Variants in CROT observed in about 807,000 individuals in gnomAD.
The protein encoded by CROT is peroxisomal carnitine O-octanoyltransferase.
CROT carries 84 observed loss-of-function variants against 89.2 expected under a neutral mutation model. The ratio of observed to expected loss-of-function variants is 0.94; its 90% CI spans 0.79 to 1.13. CROT has a LOEUF of 1.13. Among genes scored for constraint, CROT ranks in the 50% most tolerant of loss-of-function variants. CROT has a pLI of 0.00. For missense variants in CROT, 711 were observed against 727.8 expected, an observed-to-expected ratio of 0.98 and a Z score of 0.27; for synonymous variants, 212 against 239.5, an observed-to-expected ratio of 0.89 and a Z score of 1.06.
At chr7:87,357,164 G>A (rs1484188537) in intron 3 of CROT, among the ~76,000 whole-genome samples, 1 of 152,174 alleles carries the variant, frequency 6.6e-6, no homozygotes, top group African/African-American at 2.4e-5. Flanking sequence ...GGCCATAGGG[G>A]CCACTGTAAA....
chr7:87,376,871 C>T (rs552141899), intron 9 of CROT, among the ~76,000 whole-genome samples: 7 of 152,058 alleles, frequency 4.6e-5, no homozygotes, highest in South Asian at 4.2e-4. Flanking sequence ...TTTTATTCTC[C>T]TTTTTTGTAA....
chr7:87,353,920 T>C (rs915058521), intron 3 of CROT, among the ~76,000 whole-genome samples: 1 of 152,220 alleles, frequency 6.6e-6, no homozygotes, highest in African/African-American at 2.4e-5. Context: ...ATCCAAACTA[T>C]ATTATGGTGA....
At chr7:87,380,782 A>AACTGAT (rs556839503) in intron 10 of CROT, among the ~76,000 whole-genome samples, 54 of 152,230 alleles carry the variant, frequency 3.5e-4, no homozygotes, top group Admixed American at 2.0e-4. Flanking sequence ...AATAGTTGGA[A>AACTGAT]ACTGATGCTG....
chr7:87,373,763 T>C, intron 7 of CROT, among the ~76,000 whole-genome samples: 1 of 151,962 alleles, frequency 6.6e-6, no homozygotes, highest in African/African-American at 2.4e-5. Flanking sequence ...GGGAGAAACT[T>C]ATAAGAGGAG....
At chr7:87,384,169 A>G in intron 13 of CROT, among the ~76,000 whole-genome samples, 1 of 152,056 alleles carries the variant, frequency 6.6e-6, no homozygotes, top group Admixed American at 6.6e-5. Context: ...TTTCCCGATG[A>G]TTAGTGATGT....
At chr7:87,393,566 C>T (rs1022923679) in intron 17 of CROT, among the ~76,000 whole-genome samples, 7 of 152,016 alleles carry the variant, frequency 4.6e-5, no homozygotes, top group African/African-American at 1.7e-4. Flanking sequence ...AAGATCAAAA[C>T]CTGGTATAAA....
chr7:87,397,133 C>T (rs31648), intron 17 of CROT, among the ~76,000 whole-genome samples: 3,169 of 152,198 alleles, frequency 0.021, 116 homozygotes, highest in African/African-American at 0.071. Flanking sequence ...CACTAGATCA[C>T]TTGAGGCCAG....
In CROT at chr7:87,399,591, T is replaced by C. The variant is rs1390488604; in HGVS notation, c.*947T>C. 3 of 152,230 alleles carry C rather than the reference T, an allele frequency of 2.0e-5. No individual in the cohort carries two copies. Among genetic ancestry groups the C allele is most frequent in the Non-Finnish European group, 2.9e-5 (2 of 68,030 alleles). The allele number at this position is 152,230 out of a possible 1,614,324, so 9.4% of individuals were successfully genotyped here. A position where few individuals can be genotyped will look rare whatever the true frequency, so the allele number is the denominator to read the frequency against. On this transcript the variant is annotated 3_prime_UTR_variant, in exon 18 of 18. Transcript: ENST00000331536. ...AACCGTAACAAAATTCATTGTGGTGTATTATAATTAGTTTTGTGAATAGAA... is the reference window on the plus strand; with the variant it reads ...AACCGTAACAAAATTCATTGTGGTGCATTATAATTAGTTTTGTGAATAGAA...
intron 13 of CROT, among the ~76,000 whole-genome samples, chr7:87,389,480 G>T (rs61317850): frequency 0.043 from 6,496 of 152,240 alleles, 445 homozygotes; most frequent in African/African-American, 0.15. Context: ...GCAGGGACAT[G>T]GATGAAGCTG....
intron 6 of CROT, among the ~76,000 whole-genome samples, chr7:87,365,915 T>C (rs945823751): frequency 6.6e-6 from 1 of 152,110 alleles, no homozygotes; most frequent in African/African-American, 2.4e-5. Context: ...TGTTGTTTAT[T>C]TATTTGTTTT....
At chr7:87,357,732 A>T (rs544576040) in intron 3 of CROT, 12 of 597,946 alleles carry the variant, frequency 2.0e-5, no homozygotes, top group South Asian at 2.0e-4. Flanking sequence ...CTATGTAAAG[A>T]CTAAACTAAG....
Position 87,399,396 on chromosome 7 carries a change from A to C in CROT, c.*752A>C, listed in dbSNP as rs1462204966. The C allele has an allele frequency of 2.0e-5, 3 of 152,274 alleles. No homozygotes were observed. Among genetic ancestry groups the C allele is most frequent in the Admixed American group, 2.0e-4 (3 of 15,266 alleles). The allele number at this position is 152,274 out of a possible 1,614,324, so 9.4% of individuals were successfully genotyped here. On this transcript the variant is annotated 3_prime_UTR_variant, in exon 18 of 18. Transcript: ENST00000331536. ...AAGGCTGAGACAGGAGGATCGGTTG[A>C]GCCCAGGAGGTTGTGGCTGCAGTGA... is the stretch of plus-strand genomic sequence containing the variant.
At chr7:87,358,537 GTTGA>G (rs1806173869) in intron 3 of CROT, among the ~76,000 whole-genome samples, 1 of 149,814 alleles carries the variant, frequency 6.7e-6, no homozygotes, top group Non-Finnish European at 1.5e-5. Flanking sequence ...AACGTAAACA[GTTGA>G]TTAACAGATA....
At chr7:87,347,005 A>G (rs976515850) in intron 2 of CROT, among the ~76,000 whole-genome samples, 2 of 152,200 alleles carry the variant, frequency 1.3e-5, no homozygotes, top group African/African-American at 4.8e-5. Context: ...TGACATTTCT[A>G]TATCCTTACT....
chr7:87,357,532 G>T (rs1373674217), intron 3 of CROT: 2 of 1,536,444 alleles, frequency 1.3e-6, no homozygotes, highest in Non-Finnish European at 1.8e-6. Context: ...ACCAGATAAG[G>T]GGTCTTGATC....
chr7:87,362,754 G>A (rs979229165), intron 6 of CROT, among the ~76,000 whole-genome samples: 2 of 151,962 alleles, frequency 1.3e-5, no homozygotes, highest in African/African-American at 2.4e-5. Flanking sequence ...TACACTTACT[G>A]AAGAGTATAA....
chr7:87,352,103 GTCCAATC>G (rs1398262008), intron 3 of CROT, among the ~76,000 whole-genome samples: 1 of 152,220 alleles, frequency 6.6e-6, no homozygotes, highest in Non-Finnish European at 1.5e-5. Flanking sequence ...GGCAAGTCAT[GTCCAATC>G]TCCCTGCTTC....
chr7:87,376,933 A>G (rs988763091), intron 9 of CROT, among the ~76,000 whole-genome samples: 1 of 152,158 alleles, frequency 6.6e-6, no homozygotes, highest in Admixed American at 6.5e-5. Context: ...TTAATAGGCC[A>G]AAGTATACAG....
At chr7:87,360,196 A>G in intron 4 of CROT, 14 of 666,166 alleles carry the variant, frequency 2.1e-5, no homozygotes, top group Non-Finnish European at 2.6e-5. Context: ...ACTTTCTTCA[A>G]ACAAGACTCC....
Sources: gnomAD v4.1 joint callset for allele counts (sites outside exome capture counted in the v4.1 genomes callset) on GRCh38, gnomAD v4.1.1 for gene constraint, MANE v1.5 for transcripts, NCBI Gene and HGNC (gene_info 2026-07-23, HGNC 2026-07-21) for gene names.